TMTC2: variants seen among roughly 807,000 people sequenced by gnomAD.
The protein encoded by TMTC2 is transmembrane O-mannosyltransferase targeting cadherins 2, also known as protein O-mannosyl-transferase TMTC2.
TMTC2 carries 43 observed loss-of-function variants against 82.4 expected under a neutral mutation model. The observed-to-expected ratio is 0.52, with a 90% CI of 0.41 to 0.67. TMTC2 has a LOEUF of 0.67. Ranked by LOEUF, TMTC2 falls within the 30% of genes least tolerant of loss-of-function variation. The pLI, the probability that TMTC2 is intolerant of heterozygous loss-of-function variation, is 0.00. For synonymous variants in TMTC2, 408 were observed against 381.9 expected, an observed-to-expected ratio of 1.07 and a Z score of -0.80; for missense variants, 919 against 1,012.4, an observed-to-expected ratio of 0.91 and a Z score of 1.25.
chr12:82,789,759 G>T (rs1878365265), intron 1 of TMTC2, among the ~76,000 whole-genome samples: 1 of 152,114 alleles, frequency 6.6e-6, no homozygotes, highest in African/African-American at 2.4e-5. Flanking sequence ...TCTATTGTAA[G>T]ATCATGATAG....
At chr12:82,860,061 C>T (rs527279853) in intron 2 of TMTC2, among the ~76,000 whole-genome samples, 3 of 152,234 alleles carry the variant, frequency 2.0e-5, no homozygotes, top group East Asian at 3.9e-4. Context: ...GCAACCTCTG[C>T]CTCCCGGGTT....
intron 11 of TMTC2, among the ~76,000 whole-genome samples, chr12:83,122,608 G>A (rs893565026): frequency 2.6e-5 from 4 of 152,184 alleles, no homozygotes; most frequent in African/African-American, 9.6e-5. Flanking sequence ...CAGTGGGGGT[G>A]TGTGTTCGGG....
chr12:82,778,716 G>A (rs1877725470), intron 1 of TMTC2, among the ~76,000 whole-genome samples: 1 of 150,904 alleles, frequency 6.6e-6, no homozygotes, highest in African/African-American at 2.4e-5. Context: ...GGGCGTAGTG[G>A]CGGGCGCCTG....
At position 82,795,495 on chromosome 12, in the gene TMTC2, G is replaced by A. The variant is rs564502097; in HGVS notation, c.84-61515G>A. On this transcript the variant is annotated intron_variant, in intron 1 of 11. Transcript: ENST00000321196. ...CTTAAAAGAACATTGGTTTCCACAGGTGCTATGGTTTGTTCACATCCCCTC... is the reference window on the plus strand; with the variant it reads ...CTTAAAAGAACATTGGTTTCCACAGATGCTATGGTTTGTTCACATCCCCTC... Among the ~76,000 whole-genome samples, 29 of 152,048 alleles carry A rather than the reference G, an allele frequency of 1.9e-4. 1 individual carries two copies. The South Asian group carries it at 6.0e-3, about 32-fold the overall frequency.
chr12:83,111,488 C>G (rs1459605094), intron 11 of TMTC2, among the ~76,000 whole-genome samples: 1 of 152,148 alleles, frequency 6.6e-6, no homozygotes, highest in Admixed American at 6.5e-5. Context: ...ATGTATTCTT[C>G]TTTTGAGGGT....
chr12:82,885,401 C>T (rs1873041671), intron 2 of TMTC2, among the ~76,000 whole-genome samples: 1 of 151,538 alleles, frequency 6.6e-6, no homozygotes, highest in Non-Finnish European at 1.5e-5. Flanking sequence ...GAGACAGAGA[C>T]ACTCTGTCAC....
At chr12:82,693,393 T>C (rs184761189) in intron 1 of TMTC2, among the ~76,000 whole-genome samples, 1 of 152,232 alleles carries the variant, frequency 6.6e-6, no homozygotes, top group Non-Finnish European at 1.5e-5. Context: ...CATTCATACA[T>C]GCAGAAGCTT....
At chr12:82,823,537 T>C (rs1481733908) in intron 1 of TMTC2, among the ~76,000 whole-genome samples, 3 of 152,238 alleles carry the variant, frequency 2.0e-5, no homozygotes, top group Admixed American at 2.0e-4. Flanking sequence ...TCAAAGTGTT[T>C]AGCTTGTTAG....
At chr12:83,031,921 C>G (rs912782246) in intron 9 of TMTC2, among the ~76,000 whole-genome samples, 1 of 152,154 alleles carries the variant, frequency 6.6e-6, no homozygotes, top group Non-Finnish European at 1.5e-5. Flanking sequence ...GATGGTACAA[C>G]TCCTGATTTT....
At chr12:82,866,600 G>C (rs763786950) in intron 2 of TMTC2, among the ~76,000 whole-genome samples, 10 of 152,092 alleles carry the variant, frequency 6.6e-5, no homozygotes, top group African/African-American at 2.2e-4. Context: ...CTCAATTTTC[G>C]ATACCTGCTG....
At chr12:83,054,923 T>C (rs533524376) in intron 10 of TMTC2, among the ~76,000 whole-genome samples, 1 of 152,170 alleles carries the variant, frequency 6.6e-6, no homozygotes, top group East Asian at 1.9e-4. Context: ...TAAAGAATCA[T>C]TCTTGCTATT....
intron 4 of TMTC2, among the ~76,000 whole-genome samples, chr12:82,952,071 G>A (rs1029676429): frequency 3.9e-5 from 6 of 152,070 alleles, no homozygotes; most frequent in East Asian, 1.9e-4. Flanking sequence ...TATCTCCCGC[G>A]GAGCTCAGAT....
intron 4 of TMTC2, among the ~76,000 whole-genome samples, chr12:82,932,783 C>A (rs1010484182): frequency 7.2e-5 from 11 of 152,282 alleles, no homozygotes; most frequent in Non-Finnish European, 1.5e-4. Context: ...ATGTTTCTCT[C>A]TGTCTTATCC....
intron 1 of TMTC2, among the ~76,000 whole-genome samples, chr12:82,735,974 CA>C (rs1194981490): frequency 6.6e-5 from 1 of 15,106 alleles, no homozygotes; most frequent in Non-Finnish European, 3.2e-4. Context: ...CTCCGTCACA[CA>C]CACACACACA....
chr12:83,007,294 G>A (rs1012347450), intron 8 of TMTC2, among the ~76,000 whole-genome samples: 3 of 151,986 alleles, frequency 2.0e-5, no homozygotes, highest in Non-Finnish European at 4.4e-5. Flanking sequence ...TTGTTGATAT[G>A]AGCTCTTTGT....
At chr12:82,764,070 C>G (rs1876803404) in intron 1 of TMTC2, among the ~76,000 whole-genome samples, 1 of 152,124 alleles carries the variant, frequency 6.6e-6, no homozygotes, top group African/African-American at 2.4e-5. Context: ...AAATTATTAG[C>G]ATAATTCTTT....
intron 4 of TMTC2, among the ~76,000 whole-genome samples, chr12:82,933,273 A>AT (rs1377168693): frequency 1.3e-5 from 2 of 152,164 alleles, no homozygotes; most frequent in African/African-American, 4.8e-5. Context: ...TTTTTCAGTC[A>AT]TTTTAAATCA....
At chr12:82,864,496 C>CTTTT (rs775559477) in intron 2 of TMTC2, among the ~76,000 whole-genome samples, 110 of 107,754 alleles carry the variant, frequency 1.0e-3, no homozygotes, top group Non-Finnish European at 1.5e-3. Flanking sequence ...ATGTCACATT[C>CTTTT]TTTTTTTTTT....
intron 10 of TMTC2, among the ~76,000 whole-genome samples, chr12:83,051,758 AT>A (rs927952637): frequency 8.0e-5 from 12 of 150,854 alleles, no homozygotes; most frequent in East Asian, 1.9e-4. Flanking sequence ...GAAACAATAC[AT>A]TTTTTTTAAC....
Sources: gnomAD v4.1 joint callset for allele counts (sites outside exome capture counted in the v4.1 genomes callset) on GRCh38, gnomAD v4.1.1 for gene constraint, MANE v1.5 for transcripts, NCBI Gene and HGNC (gene_info 2026-07-23, HGNC 2026-07-21) for gene names.